Variants in NALF1 observed in about 807,000 individuals in gnomAD.
The protein encoded by NALF1 is family with sequence similarity 155 member A.
In NALF1, 3 loss-of-function variants were observed where a neutral mutation model predicts 48.4. The observed-to-expected ratio is 0.06, with a 90% CI of 0.03 to 0.16. The LOEUF (loss-of-function observed/expected upper bound fraction) is 0.16. Among genes scored for constraint, NALF1 ranks in the 10% least tolerant of loss-of-function variants. The pLI, the probability that NALF1 is intolerant of heterozygous loss-of-function variation, is 1.00. For missense variants in NALF1, 526 were observed against 571.5 expected, an observed-to-expected ratio of 0.92 and a Z score of 0.81; for synonymous variants, 262 against 245.7, an observed-to-expected ratio of 1.07 and a Z score of -0.62.
chr13:107,382,747 T>G (rs149805458), intron 1 of NALF1, among the ~76,000 whole-genome samples: 1 of 152,332 alleles, frequency 6.6e-6, no homozygotes, highest in Non-Finnish European at 1.5e-5. Context: ...TTTGGTAAAA[T>G]GCCCCCCACT....
intron 1 of NALF1, among the ~76,000 whole-genome samples, chr13:107,387,219 T>G (rs1042871066): frequency 6.6e-6 from 1 of 152,162 alleles, no homozygotes. Context: ...GATCCAAATG[T>G]GAACCTTTGA....
intron 1 of NALF1, among the ~76,000 whole-genome samples, chr13:107,728,681 C>A (rs1427034312): frequency 6.8e-6 from 1 of 147,136 alleles, no homozygotes; most frequent in African/African-American, 2.5e-5. Context: ...CGCATGTATC[C>A]CAGAACTTAA....
chr13:107,535,431 AACAG>A (rs1328960717), intron 1 of NALF1, among the ~76,000 whole-genome samples: 6 of 152,022 alleles, frequency 3.9e-5, no homozygotes, highest in African/African-American at 1.5e-4. Flanking sequence ...ATACACCAAT[AACAG>A]ACAAACAGAG....
intron 1 of NALF1, among the ~76,000 whole-genome samples, chr13:107,405,962 G>C (rs9514674): frequency 1.3e-5 from 2 of 152,024 alleles, no homozygotes. Flanking sequence ...CATATAAAAT[G>C]TGTACACCTC....
chr13:107,479,606 C>T (rs1199455435), intron 1 of NALF1, among the ~76,000 whole-genome samples: 3 of 151,438 alleles, frequency 2.0e-5, no homozygotes, highest in African/African-American at 4.8e-5. Context: ...AATTAAAGTA[C>T]TAGATGAAAT....
At chr13:107,759,870 A>G (rs1429529446) in intron 1 of NALF1, among the ~76,000 whole-genome samples, 4 of 151,900 alleles carry the variant, frequency 2.6e-5, no homozygotes, top group South Asian at 2.1e-4. Flanking sequence ...CAGCTGTGTC[A>G]TGCTGGGAAT....
At chr13:107,457,775 C>T (rs1884848058) in intron 1 of NALF1, among the ~76,000 whole-genome samples, 1 of 152,170 alleles carries the variant, frequency 6.6e-6, no homozygotes, top group Non-Finnish European at 1.5e-5. Flanking sequence ...CAAACACTTT[C>T]CAAGGAAGCT....
At chr13:107,484,624 G>C (rs1328726663) in intron 1 of NALF1, among the ~76,000 whole-genome samples, 1 of 152,072 alleles carries the variant, frequency 6.6e-6, no homozygotes, top group Non-Finnish European at 1.5e-5. Flanking sequence ...ATGAATACAT[G>C]TCCCCAATTC....
intron 1 of NALF1, among the ~76,000 whole-genome samples, chr13:107,824,149 A>G (rs1448985350): frequency 6.6e-6 from 1 of 152,190 alleles, no homozygotes; most frequent in Non-Finnish European, 1.5e-5. Flanking sequence ...ACATATTAAA[A>G]TAAGTGTGGT....
chr13:107,402,380 C>A (rs1173634007), intron 1 of NALF1, among the ~76,000 whole-genome samples: 1 of 152,168 alleles, frequency 6.6e-6, no homozygotes, highest in Non-Finnish European at 1.5e-5. Context: ...TCAGGTGAAG[C>A]CTCAGCCTTG....
Position 107,165,582 on chromosome 13 carries a change from T to C in NALF1, c.*4915A>G, listed in dbSNP as rs1361791922. The C allele has an allele frequency of 6.6e-6, 1 of 152,248 alleles. No individual in the cohort carries two copies. The highest frequency in any genetic ancestry group is 1.5e-5 in the Non-Finnish European group (1 of 68,046). 9.4% of individuals were successfully genotyped at this position (152,248 alleles called of 1,614,324 possible). On this transcript the variant is annotated 3_prime_UTR_variant, in exon 3 of 3. Coordinates refer to ENST00000375915, the MANE Select transcript of NALF1 (RefSeq NM_001080396.3). Reference sequence around the variant, plus strand: ...ATATTTTGTTTCATGCCTTAAGTTTTATTCCAAGGCTAAGAAGATTATCTA... The same window carrying C: ...ATATTTTGTTTCATGCCTTAAGTTTCATTCCAAGGCTAAGAAGATTATCTA...
chr13:107,180,288 A>T (rs960428220), intron 2 of NALF1, among the ~76,000 whole-genome samples: 1 of 152,082 alleles, frequency 6.6e-6, no homozygotes, highest in African/African-American at 2.4e-5. Flanking sequence ...AAGCACAAGA[A>T]AGTCAATAAA....
chr13:107,803,148 G>T (rs1878672052), intron 1 of NALF1, among the ~76,000 whole-genome samples: 1 of 152,162 alleles, frequency 6.6e-6, no homozygotes, highest in Admixed American at 6.6e-5. Context: ...AGACATGAAA[G>T]AAATGGCCCT....
intron 1 of NALF1, among the ~76,000 whole-genome samples, chr13:107,352,057 A>C (rs953019023): frequency 6.6e-6 from 1 of 152,234 alleles, no homozygotes; most frequent in Admixed American, 6.5e-5. Flanking sequence ...CATATGTCCT[A>C]TATTCACTTT....
intron 1 of NALF1, among the ~76,000 whole-genome samples, chr13:107,685,666 T>G (rs965077261): frequency 2.6e-5 from 4 of 152,170 alleles, no homozygotes; most frequent in African/African-American, 7.2e-5. Flanking sequence ...TTGACCAAAG[T>G]TGAATTTTGT....
intron 1 of NALF1, among the ~76,000 whole-genome samples, chr13:107,265,543 C>G (rs1245687308): frequency 1.3e-5 from 2 of 151,920 alleles, no homozygotes; most frequent in African/African-American, 4.8e-5. Context: ...TCTCAGTCTC[C>G]CTACAGGCAT....
chr13:107,484,446 G>C (rs751434834), intron 1 of NALF1, among the ~76,000 whole-genome samples: 1 of 152,110 alleles, frequency 6.6e-6, no homozygotes, highest in Non-Finnish European at 1.5e-5. Flanking sequence ...AGGAGAACCA[G>C]TTTGGCAGGG....
chr13:107,649,077 A>T (rs1329133179), intron 1 of NALF1, among the ~76,000 whole-genome samples: 1 of 152,210 alleles, frequency 6.6e-6, no homozygotes, highest in Non-Finnish European at 1.5e-5. Context: ...CATTTTGGAT[A>T]AAAGTCCCTT....
chr13:107,359,258 A>T (rs1420941643), intron 1 of NALF1, among the ~76,000 whole-genome samples: 2 of 152,004 alleles, frequency 1.3e-5, no homozygotes, highest in African/African-American at 4.8e-5. Context: ...TCATGTCAAC[A>T]TTCATGTATG....
Sources: gnomAD v4.1 joint callset for allele counts (sites outside exome capture counted in the v4.1 genomes callset) on GRCh38, gnomAD v4.1.1 for gene constraint, MANE v1.5 for transcripts, NCBI Gene and HGNC (gene_info 2026-07-23, HGNC 2026-07-21) for gene names.